C12orf42: variants seen among roughly 807,000 people sequenced by gnomAD.
C12orf42 encodes the protein uncharacterized protein C12orf42.
In C12orf42, 25 loss-of-function variants were observed where a neutral mutation model predicts 21.6. The observed-to-expected ratio is 1.16, with a 90% CI of 0.84 to 1.62. The LOEUF (loss-of-function observed/expected upper bound fraction) is 1.62, where lower values mean the gene tolerates loss of function less well. C12orf42 is among the 40% of genes most tolerant of loss of function. The pLI, the probability that C12orf42 is intolerant of heterozygous loss-of-function variation, is 0.00. For synonymous variants in C12orf42, 174 were observed against 175.0 expected, an observed-to-expected ratio of 0.99 and a Z score of 0.05; for missense variants, 483 against 459.3, an observed-to-expected ratio of 1.05 and a Z score of -0.47.
At chr12:103,226,494 T>A in the C12orf42 span, among the ~76,000 whole-genome samples, 1 of 152,238 alleles carries the variant, frequency 6.6e-6, no homozygotes, top group African/African-American at 2.4e-5. Context: ...TTATATTTGA[T>A]GAAAAAGAGC....
chr12:103,519,793 A>T, the C12orf42 span, among the ~76,000 whole-genome samples: 3 of 152,078 alleles, frequency 2.0e-5, no homozygotes, highest in African/African-American at 7.2e-5. Context: ...ACATCTCCCC[A>T]CAGATGACTG....
the C12orf42 span, among the ~76,000 whole-genome samples, chr12:103,122,541 T>C: frequency 6.6e-6 from 1 of 152,182 alleles, no homozygotes; most frequent in African/African-American, 2.4e-5. Context: ...GTTGCAATTT[T>C]GATAGGATTA....
intron 2 of C12orf42, among the ~76,000 whole-genome samples, chr12:103,473,606 T>C (rs1244402935): frequency 6.6e-6 from 1 of 152,242 alleles, no homozygotes; most frequent in African/African-American, 2.4e-5. Flanking sequence ...GTTTCTATAG[T>C]ACAGGCATCA....
chr12:103,503,700 G>C, the C12orf42 span: 1 of 153,602 alleles, frequency 6.5e-6, no homozygotes, highest in African/African-American at 2.4e-5. Context: ...GGGCAGATGA[G>C]ATCCTCATCA....
the C12orf42 span, among the ~76,000 whole-genome samples, chr12:103,138,220 T>A: frequency 1.3e-5 from 2 of 152,196 alleles, no homozygotes; most frequent in South Asian, 4.1e-4. Flanking sequence ...GGAAGCTGCA[T>A]GATATGGTTT....
the C12orf42 span, among the ~76,000 whole-genome samples, chr12:103,093,226 A>G: frequency 6.6e-6 from 1 of 152,166 alleles, no homozygotes; most frequent in African/African-American, 2.4e-5. Flanking sequence ...CAGCTTGACC[A>G]TGTCTGAGTT....
At chr12:103,449,009 G>A (rs1470450825) in intron 2 of C12orf42, among the ~76,000 whole-genome samples, 1 of 151,822 alleles carries the variant, frequency 6.6e-6, no homozygotes, top group African/African-American at 2.4e-5. Flanking sequence ...GTTTATAGCA[G>A]CACAATTTGC....
chr12:103,466,667 G>C (rs1038341770), intron 2 of C12orf42, among the ~76,000 whole-genome samples: 1 of 152,052 alleles, frequency 6.6e-6, no homozygotes, highest in African/African-American at 2.4e-5. Flanking sequence ...GTGGTACACT[G>C]ATTGCATTTA....
At chr12:103,175,090 T>C in the C12orf42 span, among the ~76,000 whole-genome samples, 4 of 152,232 alleles carry the variant, frequency 2.6e-5, no homozygotes, top group African/African-American at 9.6e-5. Flanking sequence ...AAGGATATTA[T>C]ATGCTATAGG....
At chr12:103,214,465 C>T in the C12orf42 span, among the ~76,000 whole-genome samples, 1 of 152,192 alleles carries the variant, frequency 6.6e-6, no homozygotes, top group South Asian at 2.1e-4. Flanking sequence ...TGGGTCCCAC[C>T]TCACTTTAGT....
chr12:103,155,042 C>T, the C12orf42 span: 24 of 152,254 alleles, frequency 1.6e-4, no homozygotes, highest in African/African-American at 5.8e-4. Context: ...AGTGGTAAAT[C>T]AGTATAAAGC....
chr12:103,407,737 G>A (rs2048532639), intron 2 of C12orf42, among the ~76,000 whole-genome samples: 1 of 152,096 alleles, frequency 6.6e-6, no homozygotes, highest in Non-Finnish European at 1.5e-5. Context: ...CCTTCATGCT[G>A]TTCAAAGGTC....
intron 4 of C12orf42, among the ~76,000 whole-genome samples, chr12:103,364,794 A>T (rs546322466): frequency 1.3e-5 from 2 of 152,162 alleles, no homozygotes; most frequent in South Asian, 2.1e-4. Flanking sequence ...AAGAATTAGA[A>T]ACCCTGAACA....
intron 4 of C12orf42, among the ~76,000 whole-genome samples, chr12:103,337,580 C>G (rs183013876): frequency 6.6e-6 from 1 of 152,168 alleles, no homozygotes; most frequent in Non-Finnish European, 1.5e-5. Flanking sequence ...TCTCAATCTC[C>G]TGATCTCGTG....
chr12:103,190,249 G>A, the C12orf42 span, among the ~76,000 whole-genome samples: 1 of 152,190 alleles, frequency 6.6e-6, no homozygotes, highest in Non-Finnish European at 1.5e-5. Flanking sequence ...TCTGTCATGG[G>A]AAGAAAGAGA....
chr12:103,302,738 A>C (rs2037853417), intron 5 of C12orf42, among the ~76,000 whole-genome samples, 179 bp from the exon 6 acceptor site: 1 of 152,126 alleles, frequency 6.6e-6, no homozygotes, highest in African/African-American at 2.4e-5. Context: ...TTCTCTAAGA[A>C]AACAAAAATG....
the C12orf42 span, among the ~76,000 whole-genome samples, chr12:103,174,205 G>C: frequency 6.6e-6 from 1 of 152,130 alleles, no homozygotes; most frequent in African/African-American, 2.4e-5. Flanking sequence ...TTTCATAGAT[G>C]AAGGAATTCA....
chr12:103,395,993 TATAAC>T (rs1250712955), intron 3 of C12orf42, among the ~76,000 whole-genome samples: 10 of 148,662 alleles, frequency 6.7e-5, no homozygotes, highest in East Asian at 1.9e-4. Context: ...ATACCATAGT[TATAAC>T]ATAACATATA....
At chr12:103,523,298 A>G in the C12orf42 span, among the ~76,000 whole-genome samples, 1 of 152,160 alleles carries the variant, frequency 6.6e-6, no homozygotes, top group African/African-American at 2.4e-5. Flanking sequence ...TAGACAGCCT[A>G]TGTGTATACA....
Sources: allele counts gnomAD v4.1 joint callset (sites outside exome capture counted in the v4.1 genomes callset), GRCh38; gene constraint gnomAD v4.1.1; transcripts MANE v1.5; gene names NCBI Gene and HGNC (gene_info 2026-07-23, HGNC 2026-07-21).